PCDHGA3: variants seen among roughly 807,000 people sequenced by gnomAD.
PCDHGA3 encodes the protein protocadherin gamma subfamily A, 3.
PCDHGA3 carries 40 observed loss-of-function variants against 58.5 expected under a neutral mutation model. The ratio of observed to expected loss-of-function variants is 0.68; its 90% CI spans 0.53 to 0.89. The LOEUF is 0.89. Ranked by LOEUF, PCDHGA3 falls within the 40% of genes least tolerant of loss-of-function variation. The probability of loss-of-function intolerance (pLI) is 0.00; values close to 1 mark genes in which losing one functional copy is unlikely to be tolerated. For synonymous variants in PCDHGA3, 530 were observed against 525.7 expected, an observed-to-expected ratio of 1.01 and a Z score of -0.11; for missense variants, 1,223 against 1,195.9, an observed-to-expected ratio of 1.02 and a Z score of -0.33.
rs1368023005 is a variant in PCDHGA3 at position 141,344,258 on chromosome 5, C to T, written c.225C>T (p.Phe75=). ...RIVSRGRTQL[F]SLNPQSGSLV... ...TCTCCAGAGGTAGGACGCAGCTTTT[C>T]TCTCTGAATCCGCAAAGCGGCAGCT... The change falls in exon 1 of 4, where the codon TTC becomes TTT. Residue 75 remains phenylalanine (F), a synonymous_variant. Coordinates refer to ENST00000253812, the MANE Select transcript of PCDHGA3 (RefSeq NM_018916.4). 6.2e-7 allele frequency: 1 copy of T among 1,613,954 alleles called. No individual in the cohort carries two copies. The highest frequency in any genetic ancestry group is 1.3e-5 in the African/African-American group (1 of 74,950).
intron 1 of PCDHGA3, chr5:141,478,158 C>G: frequency 6.2e-7 from 1 of 1,614,054 alleles, no homozygotes; most frequent in Non-Finnish European, 8.5e-7. Flanking sequence ...CCCTCTGGCT[C>G]TGCCCCCCGG....
intron 1 of PCDHGA3, among the ~76,000 whole-genome samples, chr5:141,482,652 G>C (rs1276348234): frequency 6.6e-6 from 1 of 152,074 alleles, no homozygotes; most frequent in African/African-American, 2.4e-5. Flanking sequence ...GGTGATGCTT[G>C]AGCTATGATC....
chr5:141,453,032 G>A (rs2098754281), intron 1 of PCDHGA3, among the ~76,000 whole-genome samples: 1 of 152,132 alleles, frequency 6.6e-6, no homozygotes, highest in Admixed American at 6.5e-5. Flanking sequence ...TTAAAATAAA[G>A]TTTGTTTCTA....
At chr5:141,370,393 G>T (rs1277471352) in intron 1 of PCDHGA3, 14 of 1,547,032 alleles carry the variant, frequency 9.0e-6, no homozygotes, top group Non-Finnish European at 1.2e-5. Context: ...GCAGAGAGCG[G>T]GATGGGAAAT....
intron 1 of PCDHGA3, chr5:141,440,709 A>C (rs1351127132): frequency 1.3e-5 from 2 of 152,216 alleles, no homozygotes; most frequent in Non-Finnish European, 2.9e-5. Context: ...GTGGAAAGAC[A>C]TATGTTGATC....
chr5:141,410,045 G>C (rs962300160), intron 1 of PCDHGA3: 1 of 1,613,166 alleles, frequency 6.2e-7, no homozygotes. Context: ...CAGTGAGCCC[G>C]GACTCTTCAG....
chr5:141,497,739 A>G (rs1180122239), intron 2 of PCDHGA3, among the ~76,000 whole-genome samples: 1 of 152,118 alleles, frequency 6.6e-6, no homozygotes, highest in Admixed American at 6.6e-5. Flanking sequence ...GGGTTTCGCC[A>G]CGTTGGCCAG....
intron 1 of PCDHGA3, chr5:141,412,426 A>G (rs1051574976): frequency 2.6e-5 from 4 of 152,234 alleles, no homozygotes; most frequent in African/African-American, 9.6e-5. Context: ...GTTTTACACA[A>G]AAAGGTTAAT....
At chr5:141,484,795 C>G (rs1265916821) in intron 1 of PCDHGA3, among the ~76,000 whole-genome samples, 1 of 151,902 alleles carries the variant, frequency 6.6e-6, no homozygotes, top group Middle Eastern at 3.4e-3. Flanking sequence ...AGATAACAAC[C>G]CGTGGAAAAA....
Position 141,431,682 on chromosome 5 carries a change from A to C in PCDHGA3, c.2425-63125A>C. The C allele has an allele frequency of 1.2e-6, 2 of 1,614,232 alleles. No homozygotes were observed. Among genetic ancestry groups the C allele is most frequent in the Non-Finnish European group, 1.7e-6 (2 of 1,180,042 alleles). ...ACAATATCAACAATAGGGGAGTTGG[A>C]CCACGAGGAGTCAGGATTCTACCAG... On this transcript the variant is annotated intron_variant, in intron 1 of 3. Transcript: ENST00000253812. The surrounding 1 kb of genome is among the most constrained non-coding windows in gnomAD (Gnocchi z 4.8).
At chr5:141,497,553 T>C (rs2099777684) in intron 2 of PCDHGA3, among the ~76,000 whole-genome samples, 1 of 151,326 alleles carries the variant, frequency 6.6e-6, no homozygotes, top group South Asian at 2.1e-4. Context: ...TTTTTTTTTT[T>C]TTTTTAGACA....
chr5:141,393,787 G>A (rs1267376494), intron 1 of PCDHGA3: 3 of 1,613,930 alleles, frequency 1.9e-6, no homozygotes, highest in Non-Finnish European at 2.5e-6. Flanking sequence ...GAAGATGTGG[G>A]GGCACTTCTG....
chr5:141,384,334 C>A (rs1779970411), intron 1 of PCDHGA3: 1 of 1,613,728 alleles, frequency 6.2e-7, no homozygotes, highest in African/African-American at 1.3e-5. Context: ...TGCACAGGAC[C>A]ACGACAGTGA....
chr5:141,376,297 G>A (rs1283407370), intron 1 of PCDHGA3: 4 of 1,614,068 alleles, frequency 2.5e-6, no homozygotes, highest in Admixed American at 3.3e-5. Flanking sequence ...TGCCCGGCTC[G>A]CACTTTGTGG....
intron 1 of PCDHGA3, chr5:141,366,943 A>T (rs1481461689): frequency 1.3e-6 from 1 of 775,624 alleles, no homozygotes; most frequent in Non-Finnish European, 2.0e-6. Context: ...AGTCTAGCTG[A>T]TATCTGTAGA....
At chr5:141,419,302 C>T in intron 1 of PCDHGA3, 1 of 1,614,024 alleles carries the variant, frequency 6.2e-7, no homozygotes, top group East Asian at 2.2e-5. Context: ...ACCCAGACTT[C>T]GGGCTCAACG....
At chr5:141,421,148 G>A (rs1334539595) in intron 1 of PCDHGA3, 2 of 1,056,062 alleles carry the variant, frequency 1.9e-6, no homozygotes, top group African/African-American at 1.6e-5. Context: ...GATGTAGTCG[G>A]CCTAGGACTT....
rs756507619 is a variant in PCDHGA3 at position 141,346,208 on chromosome 5, G to A, written c.2175G>A (p.Leu725=). 19 of 1,614,154 alleles carry A rather than the reference G, an allele frequency of 1.2e-5. No individual in the cohort carries two copies. Among genetic ancestry groups the A allele is most frequent in the Admixed American group, 1.7e-5 (1 of 60,026 alleles). The change falls in exon 1 of 4, where the codon CTG becomes CTA. Residue 725 remains leucine, a synonymous_variant. Coordinates refer to ENST00000253812, the MANE Select transcript of PCDHGA3 (RefSeq NM_018916.4). Reference sequence around the variant, plus strand: ...GGCGCTGGCACAAGTCACGCCTGCTGCAGGCTTCGGGAGGCGGCTTGGCGA... The same window carrying A: ...GGCGCTGGCACAAGTCACGCCTGCTACAGGCTTCGGGAGGCGGCTTGGCGA... ...RLRRWHKSRL[L]QASGGGLAST...
At chr5:141,450,932 C>G (rs868373954) in intron 1 of PCDHGA3, among the ~76,000 whole-genome samples, 1 of 151,134 alleles carries the variant, frequency 6.6e-6, no homozygotes, top group Admixed American at 6.6e-5. Context: ...TCAAGCAATT[C>G]TCCTACCTCA....
Sources: allele counts gnomAD v4.1 joint callset (sites outside exome capture counted in the v4.1 genomes callset), GRCh38; gene constraint gnomAD v4.1.1; non-coding constraint Gnocchi (gnomAD v3.1); transcripts MANE v1.5; gene names NCBI Gene and HGNC (gene_info 2026-07-23, HGNC 2026-07-21).